The following COMMD6 variants were observed in gnomAD, a reference collection of about 807,000 sequenced individuals.
COMMD6 encodes COMM domain containing 6, also known as COMM domain-containing protein 6.
In COMMD6, 11 loss-of-function variants were observed where a neutral mutation model predicts 13.4. The observed-to-expected ratio is 0.82, with a 90% CI of 0.52 to 1.36. The LOEUF is 1.36. COMMD6 is among the 40% of genes most tolerant of loss of function. The pLI is 0.00. For missense variants in COMMD6, 124 were observed against 102.4 expected (o/e 1.21, Z -0.91); for synonymous variants, 43 against 36.5 (o/e 1.18, Z -0.64).
chr13:75,533,702 G>A (rs1286079523), intron 2 of COMMD6, among the ~76,000 whole-genome samples: 2 of 152,150 alleles, frequency 1.3e-5, no homozygotes, highest in African/African-American at 2.4e-5. Flanking sequence ...ATCATATGAA[G>A]GATGCATTGC....
chr13:75,538,521 A>G (rs2030761160), upstream of COMMD6, among the ~76,000 whole-genome samples: 1 of 152,152 alleles, frequency 6.6e-6, no homozygotes, highest in Non-Finnish European at 1.5e-5. Context: ...AGATTCACCA[A>G]CTGTTCGCAT....
rs369957320 is a variant in COMMD6 at position 75,533,221 on chromosome 13, C to T, written c.55-2955G>A. Among the ~76,000 whole-genome samples, 1,099 of 151,954 alleles carry T rather than the reference C, an allele frequency of 7.2e-3. 9 individuals carry two copies. Among genetic ancestry groups the T allele is most frequent in the African/African-American group, 0.024 (999 of 41,478 alleles). ...TGCTGGGATTACAGGCGGGAGCCAT[C>T]GCACCCGGCCGAAAGTTTTTCAATA... On this transcript the variant is annotated intron_variant, in intron 2 of 3. Coordinates refer to ENST00000682242, the MANE Select transcript of COMMD6 (RefSeq NM_203495.4).
chr13:75,546,639 C>A (rs567590686), intron 1 of COMMD6, among the ~76,000 whole-genome samples: 5 of 152,298 alleles, frequency 3.3e-5, no homozygotes, highest in African/African-American at 1.2e-4. Flanking sequence ...ACCTTTATAT[C>A]CTTTGACAAC....
intron 2 of COMMD6, among the ~76,000 whole-genome samples, chr13:75,537,138 G>A (rs56135113): frequency 0.057 from 8,733 of 152,288 alleles, 368 homozygotes; most frequent in Non-Finnish European, 0.082. Context: ...ATTCTGGGAA[G>A]TGTGTTATAA....
intron 3 of COMMD6, among the ~76,000 whole-genome samples, chr13:75,528,383 A>G (rs922915954): frequency 6.6e-6 from 1 of 152,212 alleles, no homozygotes; most frequent in Non-Finnish European, 1.5e-5. Flanking sequence ...ATTTAGTTGA[A>G]TGTTATTCCC....
At chr13:75,545,048 G>A (rs769813755) in intron 1 of COMMD6, among the ~76,000 whole-genome samples, 9 of 152,166 alleles carry the variant, frequency 5.9e-5, no homozygotes, top group Non-Finnish European at 1.3e-4. Flanking sequence ...TGAGGACAAG[G>A]CCTAATTACG....
rs755419276 is a variant in COMMD6, at chr13:75,537,819, G to C, written c.-14C>G. Reference sequence around the variant, plus strand: ...GGACGCCTCCATGGGCAGCGTCTGGGACTTGCGGCCCGGACTCGAGAGAAC... The same window carrying C: ...GGACGCCTCCATGGGCAGCGTCTGGCACTTGCGGCCCGGACTCGAGAGAAC... On this transcript the variant is annotated 5_prime_UTR_variant, in exon 1 of 4. Transcript: ENST00000682242. 12 of 1,592,718 alleles carry C rather than the reference G, an allele frequency of 7.5e-6. No homozygotes were observed. Among genetic ancestry groups the C allele is most frequent in the African/African-American group, 5.4e-5 (4 of 74,638 alleles).
At chr13:75,538,067 G>T (rs981898312), upstream of COMMD6, 9 of 421,330 alleles carry the variant, frequency 2.1e-5, no homozygotes, top group African/African-American at 1.8e-4. Flanking sequence ...TTAAATTTAG[G>T]ATGCCGCTTC....
intron 2 of COMMD6, among the ~76,000 whole-genome samples, chr13:75,535,910 T>C (rs1298493307): frequency 6.6e-6 from 1 of 152,038 alleles, no homozygotes; most frequent in Non-Finnish European, 1.5e-5. Flanking sequence ...TTTTAAGAGA[T>C]GGAGTCTCAC....
upstream of COMMD6, among the ~76,000 whole-genome samples, chr13:75,542,029 A>G (rs55906728): frequency 0.042 from 6,414 of 152,286 alleles, 418 homozygotes; most frequent in African/African-American, 0.15. Context: ...AATGAGGATG[A>G]TTACATAATT....
Position 75,537,836 on chromosome 13 carries a change from C to CCG in COMMD6, c.-32_-31insCG. The CCG allele has an allele frequency of 6.4e-7, 1 of 1,573,086 alleles. No individual in the cohort carries two copies. The highest frequency in any genetic ancestry group is 1.8e-5 in the Admixed American group (1 of 55,820). On this transcript the variant is annotated 5_prime_UTR_variant, in exon 1 of 4. Transcript: ENST00000682242. ...GCGTCTGGGACTTGCGGCCCGGACTCGAGAGAACGCCCCCAGACCAGCGCT... is the reference window on the plus strand; with the variant it reads ...GCGTCTGGGACTTGCGGCCCGGACTCCGGAGAGAACGCCCCCAGACCAGCGCT...
Position 75,537,631 on chromosome 13 carries a change from G to T in COMMD6, c.54+33C>A, listed in dbSNP as rs915553872. ...CCTCGCGGCCGTGGGAGGCAGGCTG[G>T]CGGAGGACAGGGCGGGGCGGCCGCT... is the stretch of plus-strand genomic sequence containing the variant. On this transcript the variant is annotated intron_variant, in intron 2 of 3. Transcript: ENST00000682242. 6 of 1,613,564 alleles carry T rather than the reference G, an allele frequency of 3.7e-6. No individual in the cohort carries two copies. The Admixed American group carries it at 1.0e-4, about 27-fold the overall frequency.
chr13:75,531,861 A>G (rs915759193), intron 2 of COMMD6, among the ~76,000 whole-genome samples: 1 of 152,266 alleles, frequency 6.6e-6, no homozygotes, highest in Non-Finnish European at 1.5e-5. Flanking sequence ...GATAGAACTT[A>G]GAAAAACTTT....
At chr13:75,535,894 T>TC (rs1300076429) in intron 2 of COMMD6, among the ~76,000 whole-genome samples, 1 of 152,116 alleles carries the variant, frequency 6.6e-6, no homozygotes, top group Admixed American at 6.5e-5. Flanking sequence ...CTCCGTAATT[T>TC]TTTTTTTTTA....
Position 75,525,920 on chromosome 13 carries a change from A to G in COMMD6, c.*669T>C, listed in dbSNP as rs890793223. On this transcript the variant is annotated 3_prime_UTR_variant, in exon 4 of 4. Transcript: ENST00000682242. ...ATTTAAATTCAACAGAGATCATCTA[A>G]TGCAATAACTTGTGCTAACGGGTTA... 6.6e-6 allele frequency: 1 copy of G among 152,254 alleles called. No individual in the cohort carries two copies. The highest frequency in any genetic ancestry group is 6.5e-5 in the Admixed American group (1 of 15,286). 9.4% of individuals were successfully genotyped at this position (152,254 alleles called of 1,614,324 possible). A position where few individuals can be genotyped will look rare whatever the true frequency, so the allele number is the denominator to read the frequency against.
At chr13:75,548,221 T>C (rs146642262) in intron 1 of COMMD6, among the ~76,000 whole-genome samples, 50 of 152,374 alleles carry the variant, frequency 3.3e-4, no homozygotes, top group African/African-American at 1.1e-3. Context: ...ACTCTAGTGA[T>C]AATGCAACTA....
At chr13:75,537,208 T>A (rs1160804324) in intron 2 of COMMD6, among the ~76,000 whole-genome samples, 1 of 152,196 alleles carries the variant, frequency 6.6e-6, no homozygotes, top group African/African-American at 2.4e-5. Context: ...GAAACAGAAA[T>A]GGGGCTAAGA....
upstream of COMMD6, among the ~76,000 whole-genome samples, chr13:75,542,578 T>A (rs1353031272): frequency 6.6e-6 from 1 of 152,212 alleles, no homozygotes; most frequent in African/African-American, 2.4e-5. Flanking sequence ...CGTGAGTGAC[T>A]GCACCCAGCC....
At chr13:75,528,789 C>T (rs1448077956) in intron 3 of COMMD6, among the ~76,000 whole-genome samples, 1 of 151,180 alleles carries the variant, frequency 6.6e-6, no homozygotes, top group East Asian at 1.9e-4. Flanking sequence ...TTGCAGTGAG[C>T]CTAGATCATA....
Sources: gnomAD v4.1 joint callset for allele counts (sites outside exome capture counted in the v4.1 genomes callset) on GRCh38, gnomAD v4.1.1 for gene constraint, MANE v1.5 for transcripts, NCBI Gene and HGNC (gene_info 2026-07-23, HGNC 2026-07-21) for gene names.